The following RAP1GAP2 variants were observed in gnomAD, a reference collection of about 807,000 sequenced individuals.
RAP1GAP2 encodes the protein RAP1 GTPase activating protein 2, also known as rap1 GTPase-activating protein 2.
Under a neutral mutation model 95.0 loss-of-function variants are expected in RAP1GAP2, and 27 were observed. That is an observed-to-expected ratio of 0.28 (90% CI 0.21 to 0.39). The LOEUF is 0.39. RAP1GAP2 is among the 10% of genes least tolerant of loss of function. The probability of loss-of-function intolerance (pLI) is 1.00; values close to 1 mark genes in which losing one functional copy is unlikely to be tolerated. For missense variants in RAP1GAP2, 771 were observed against 970.0 expected, an observed-to-expected ratio of 0.79 and a Z score of 2.72; for synonymous variants, 373 against 380.9, an observed-to-expected ratio of 0.98 and a Z score of 0.24.
rs868395003 is a variant in RAP1GAP2, at chr17:3,018,064, G to A, written c.1498G>A (p.Ala500Thr). 8 of 1,583,650 alleles carry A rather than the reference G, an allele frequency of 5.1e-6. No individual in the cohort carries two copies. Among genetic ancestry groups the A allele is most frequent in the East Asian group, 2.3e-5 (1 of 42,982 alleles). ...HGGFLESFKR[A>T]IRVRSHSMET... is the part of the protein sequence containing the mutation. ...GGCCCTTGTTCTCTCCCCGTAGAGGGCCATCCGCGTACGCAGCCACTCCAT... is the reference window on the plus strand; with the variant it reads ...GGCCCTTGTTCTCTCCCCGTAGAGGACCATCCGCGTACGCAGCCACTCCAT... The change falls in exon 18 of 25, where the codon GCC becomes ACC. Residue 500 changes from alanine to threonine, a missense_variant. Coordinates refer to ENST00000254695, the MANE Select transcript of RAP1GAP2 (RefSeq NM_015085.5).
intron 2 of RAP1GAP2, among the ~76,000 whole-genome samples, chr17:2,873,474 C>CAAAAAAAAAAAA (rs71153308): frequency 8.8e-5 from 1 of 11,422 alleles, no homozygotes; most frequent in Non-Finnish European, 1.5e-4. Context: ...GACCCTGTCT[C>CAAAAAAAAAAAA]AAAAAAAAAA....
intron 2 of RAP1GAP2, among the ~76,000 whole-genome samples, chr17:2,850,555 T>C (rs2071794384): frequency 1.3e-5 from 2 of 149,250 alleles, no homozygotes; most frequent in South Asian, 2.1e-4. Context: ...GAGACCATCC[T>C]GGCTAACACG....
At chr17:2,837,039 C>A (rs1205202873) in intron 2 of RAP1GAP2, among the ~76,000 whole-genome samples, 2 of 151,934 alleles carry the variant, frequency 1.3e-5, no homozygotes, top group Non-Finnish European at 2.9e-5. Context: ...TCACTTGAGG[C>A]CAGGAGTTCA....
chr17:2,851,061 GA>G (rs11337766), intron 2 of RAP1GAP2, among the ~76,000 whole-genome samples: 2,724 of 79,658 alleles, frequency 0.034, 30 homozygotes, highest in South Asian at 0.057. Context: ...AACGTCTCAA[GA>G]AAAAAAAAAA....
At chr17:2,778,634 C>T (rs2068564202) in intron 1 of RAP1GAP2, among the ~76,000 whole-genome samples, 1 of 152,118 alleles carries the variant, frequency 6.6e-6, no homozygotes, top group Admixed American at 6.6e-5. Context: ...GGCAGGGTCA[C>T]ATAGTGGCTA....
At chr17:2,831,270 T>C (rs2070841467) in intron 2 of RAP1GAP2, among the ~76,000 whole-genome samples, 1 of 149,878 alleles carries the variant, frequency 6.7e-6, no homozygotes. Flanking sequence ...AGAGATGGGA[T>C]TTCACTACAT....
intron 2 of RAP1GAP2, among the ~76,000 whole-genome samples, chr17:2,801,768 A>G (rs1348886017): frequency 6.6e-6 from 1 of 151,950 alleles, no homozygotes; most frequent in Non-Finnish European, 1.5e-5. Flanking sequence ...GCCTCGGTTT[A>G]CCGTGTATCT....
At position 3,006,186 on chromosome 17, in the gene RAP1GAP2, G is replaced by T. The variant is rs1416527177; in HGVS notation, c.1359+145G>T. 3 of 702,300 alleles carry T rather than the reference G, an allele frequency of 4.3e-6. No homozygotes were observed. In the Admixed American group the frequency reaches 8.2e-5, roughly 19 times the overall value. The allele number at this position is 702,300 out of a possible 1,614,324, so 43.5% of individuals were successfully genotyped here. Reference sequence around the variant, plus strand: ...CTGTTACCCAGGCTGGAGTGCAGTGGCATGATCTTGGGACTCACCACAACC... The same window carrying T: ...CTGTTACCCAGGCTGGAGTGCAGTGTCATGATCTTGGGACTCACCACAACC... On this transcript the variant is annotated intron_variant, in intron 16 of 24. Coordinates refer to ENST00000254695, the MANE Select transcript of RAP1GAP2 (RefSeq NM_015085.5).
intron 1 of RAP1GAP2, among the ~76,000 whole-genome samples, chr17:2,761,938 C>T (rs1164150168): frequency 3.4e-5 from 5 of 147,480 alleles, no homozygotes; most frequent in Admixed American, 6.8e-5. Flanking sequence ...TGGCTGATGA[C>T]GTCGGGCATC....
chr17:2,941,462 A>G (rs1454187866), intron 3 of RAP1GAP2, among the ~76,000 whole-genome samples: 2 of 151,896 alleles, frequency 1.3e-5, no homozygotes, highest in African/African-American at 4.8e-5. Flanking sequence ...AAAAAAGACC[A>G]TGTGGCTGTT....
At chr17:2,944,828 T>C (rs1292601574) in intron 3 of RAP1GAP2, among the ~76,000 whole-genome samples, 1 of 152,226 alleles carries the variant, frequency 6.6e-6, no homozygotes, top group Non-Finnish European at 1.5e-5. Context: ...TAGTGCTTAG[T>C]GTGCCAGCCA....
chr17:2,926,310 G>A (rs1036050642), intron 3 of RAP1GAP2, among the ~76,000 whole-genome samples: 1 of 152,118 alleles, frequency 6.6e-6, no homozygotes, highest in Non-Finnish European at 1.5e-5. Context: ...CTCTTCACAC[G>A]GCATGATCTC....
intron 1 of RAP1GAP2, among the ~76,000 whole-genome samples, chr17:2,790,828 G>A (rs2068904671): frequency 6.6e-6 from 1 of 152,222 alleles, no homozygotes; most frequent in Non-Finnish European, 1.5e-5. Context: ...CACAGTGGAG[G>A]GGCTGCTGCT....
In RAP1GAP2 at chr17:2,797,716, A is replaced by G. The variant is rs892704521; in HGVS notation, c.44+1145A>G. On this transcript the variant is annotated intron_variant, in intron 1 of 24. Coordinates refer to ENST00000254695, the MANE Select transcript of RAP1GAP2 (RefSeq NM_015085.5). This position sits in a 1 kb window ranked among gnomAD's most constrained non-coding sequence, Gnocchi z 5.6. ...GGGATGGTGCGGATGAGAAGATGGCACAGCGTCGCCTGTGTCTGCTCTCGG... is the reference window on the plus strand; with the variant it reads ...GGGATGGTGCGGATGAGAAGATGGCGCAGCGTCGCCTGTGTCTGCTCTCGG... 3 of 985,354 alleles carry G rather than the reference A, an allele frequency of 3.0e-6. No individual in the cohort carries two copies. The highest frequency in any genetic ancestry group is 3.6e-6 in the Non-Finnish European group (3 of 829,912). 61.0% of individuals were successfully genotyped at this position (985,354 alleles called of 1,614,324 possible). A position where few individuals can be genotyped will look rare whatever the true frequency, so the allele number is the denominator to read the frequency against.
chr17:2,961,510 G>T (rs141073379), intron 4 of RAP1GAP2, among the ~76,000 whole-genome samples: 1 of 151,146 alleles, frequency 6.6e-6, no homozygotes, highest in Non-Finnish European at 1.5e-5. Flanking sequence ...GAGAGACTCC[G>T]TCTCAAAAAC....
intron 1 of RAP1GAP2, among the ~76,000 whole-genome samples, chr17:2,784,905 A>T (rs2068738753): frequency 1.3e-5 from 2 of 152,186 alleles, no homozygotes; most frequent in Non-Finnish European, 2.9e-5. Context: ...CCAGACCCCC[A>T]TCTTTATCCA....
intron 2 of RAP1GAP2, among the ~76,000 whole-genome samples, chr17:2,824,120 CAAAAA>C (rs71150900): frequency 9.5e-6 from 1 of 105,428 alleles, no homozygotes; most frequent in African/African-American, 3.8e-5. Flanking sequence ...AAGACTGTCT[CAAAAA>C]AAAAAAAAAA....
At position 3,003,975 on chromosome 17, in the gene RAP1GAP2, G is replaced by A. The variant is rs140259677; in HGVS notation, c.1201-1394G>A. On this transcript the variant is annotated intron_variant, in intron 14 of 24. Transcript: ENST00000254695. This position sits in a 1 kb window ranked among gnomAD's most constrained non-coding sequence, Gnocchi z 4.1. ...TGTGTCTGAAGCCACTTACACGGTC[G>A]GCACAGACCACTCTAATGCAGGCTG... Among the ~76,000 whole-genome samples the A allele has an allele frequency of 4.1e-3, 621 of 152,248 alleles. 4 individuals are homozygous for A. The highest frequency in any genetic ancestry group is 0.014 in the African/African-American group (593 of 41,532).
chr17:2,969,648 C>T (rs57866336), intron 8 of RAP1GAP2, among the ~76,000 whole-genome samples: 3,776 of 151,664 alleles, frequency 0.025, 167 homozygotes, highest in African/African-American at 0.086. Flanking sequence ...ACTACAGGCT[C>T]ATGCCACCAC....
Sources: allele counts gnomAD v4.1 joint callset (sites outside exome capture counted in the v4.1 genomes callset), GRCh38; gene constraint gnomAD v4.1.1; non-coding constraint Gnocchi (gnomAD v3.1); transcripts MANE v1.5; gene names NCBI Gene and HGNC (gene_info 2026-07-23, HGNC 2026-07-21).